Variants in EVC2 observed in about 807,000 individuals in gnomAD.
The protein encoded by EVC2 is EvC ciliary complex subunit 2.
In EVC2, 148 loss-of-function variants were observed where a neutral mutation model predicts 149.3. That is an observed-to-expected ratio of 0.99 (90% CI 0.87 to 1.14). The LOEUF (loss-of-function observed/expected upper bound fraction) is 1.14, where lower values mean the gene tolerates loss of function less well. Among genes scored for constraint, EVC2 ranks in the 50% most tolerant of loss-of-function variants. The pLI is 0.00. For missense variants in EVC2, 1,854 were observed against 1,627.3 expected (o/e 1.14, Z -2.40); for synonymous variants, 776 against 649.9 (o/e 1.19, Z -2.95).
intron 16 of EVC2, among the ~76,000 whole-genome samples, chr4:5,611,129 G>A (rs1002323621): frequency 6.6e-6 from 1 of 152,148 alleles, no homozygotes; most frequent in Non-Finnish European, 1.5e-5. Context: ...TCATGTTATG[G>A]AAGAAGTGAT....
At position 5,706,361 on chromosome 4, in the gene EVC2, G is replaced by GATAC. The variant is rs1279202262; in HGVS notation, c.228+1924_228+1925insGTAT. Among the ~76,000 whole-genome samples, 62 of 73,546 alleles carry GATAC rather than the reference G, an allele frequency of 8.4e-4. 5 individuals are homozygous for GATAC. Among genetic ancestry groups the GATAC allele is most frequent in the African/African-American group, 2.3e-3 (31 of 13,286 alleles). The allele number at this position is 73,546 out of a possible 152,430, so 48.2% of individuals were successfully genotyped here. A position where few individuals can be genotyped will look rare whatever the true frequency, so the allele number is the denominator to read the frequency against. ...AGATACATAGATAGATAGACACATAGATAGATACATAGATAGATACATAGA... is the reference window on the plus strand; with the variant it reads ...AGATACATAGATAGATAGACACATAGATACATAGATACATAGATAGATACATAGA... On this transcript the variant is annotated intron_variant, in intron 1 of 21. Coordinates refer to ENST00000344408, the MANE Select transcript of EVC2 (RefSeq NM_147127.5).
At chr4:5,572,838 GT>G in intron 19 of EVC2, among the ~76,000 whole-genome samples, 1 of 152,166 alleles carries the variant, frequency 6.6e-6, no homozygotes, top group East Asian at 1.9e-4. Flanking sequence ...AGATGGCTCA[GT>G]TACGCAGAGA....
At position 5,677,491 on chromosome 4, in the gene EVC2, A is replaced by C. The variant is rs1720068702; in HGVS notation, c.870+3769T>G. ...AGCTCCACGGCCAGGACTTGCATCC[A>C]CAGGTCTGCATCCCAGGGGGCAACT... On this transcript the variant is annotated intron_variant, in intron 7 of 21. Transcript: ENST00000344408. This position sits in a 1 kb window ranked among gnomAD's most constrained non-coding sequence, Gnocchi z 4.3. Among the ~76,000 whole-genome samples the C allele has an allele frequency of 6.6e-6, 1 of 152,184 alleles. No homozygotes were observed. Among genetic ancestry groups the C allele is most frequent in the African/African-American group, 2.4e-5 (1 of 41,442 alleles).
intron 21 of EVC2, among the ~76,000 whole-genome samples, chr4:5,553,589 T>C (rs547653543): frequency 8.5e-5 from 13 of 152,174 alleles, no homozygotes; most frequent in Non-Finnish European, 1.8e-4. Flanking sequence ...GCAGTGACTA[T>C]AAGCAGATAC....
intron 16 of EVC2, among the ~76,000 whole-genome samples, chr4:5,599,228 C>T (rs58436711): frequency 0.019 from 2,798 of 150,474 alleles, 70 homozygotes; most frequent in African/African-American, 0.06. Context: ...TGGGTATATA[C>T]CCAAAGGTCT....
Position 5,708,401 on chromosome 4 carries a change from C to T in EVC2, c.113G>A (p.Arg38His). 2.0e-6 allele frequency: 3 copies of T among 1,498,836 alleles called. No homozygotes were observed. The highest frequency in any genetic ancestry group is 2.7e-5 in the East Asian group (1 of 36,600). The allele number at this position is 1,498,836 out of a possible 1,614,324, so 92.8% of individuals were successfully genotyped here. ...TGGCTGCGCGCCGAGGGGGCGCCAGCGGGGACGTGAGCTGGCGCCGAGACA... is the reference window on the plus strand; with the variant it reads ...TGGCTGCGCGCCGAGGGGGCGCCAGTGGGGACGTGAGCTGGCGCCGAGACA... ...RGCLGASSRP[R>H]WRPLGAQPPR... Residue 38 changes from arginine (R) to histidine (H), a missense_variant, in exon 1 of 22, where the codon CGC (arginine) becomes CAC (histidine). Physicochemically the swap from Arg to His is conservative, Grantham distance 29 (BLOSUM62 0). Coordinates refer to ENST00000344408, the MANE Select transcript of EVC2 (RefSeq NM_147127.5).
chr4:5,694,253 C>T (rs935389705), intron 3 of EVC2, 82 bp downstream of exon 3: 53 of 1,464,926 alleles, frequency 3.6e-5, no homozygotes, highest in Admixed American at 3.5e-5. Context: ...CAACAAAAAC[C>T]CGTGCCATTT....
At chr4:5,683,785 C>T (rs1720506074) in intron 6 of EVC2, among the ~76,000 whole-genome samples, 1 of 105,262 alleles carries the variant, frequency 9.5e-6, no homozygotes, top group South Asian at 2.7e-4. Flanking sequence ...GGAACACACA[C>T]AGCTGGCCAG....
chr4:5,550,241 C>A (rs761279537), intron 21 of EVC2, among the ~76,000 whole-genome samples: 4 of 152,084 alleles, frequency 2.6e-5, no homozygotes, highest in Non-Finnish European at 4.4e-5. Context: ...CAGAAGAAGA[C>A]AGGAAAATGT....
chr4:5,639,287 T>C (rs1361458233), intron 10 of EVC2, among the ~76,000 whole-genome samples: 1 of 152,212 alleles, frequency 6.6e-6, no homozygotes, highest in African/African-American at 2.4e-5. Context: ...GAAGAAGATA[T>C]GCAGACTCAG....
At chr4:5,615,924 T>G (rs564053199) in intron 15 of EVC2, among the ~76,000 whole-genome samples, 1 of 152,206 alleles carries the variant, frequency 6.6e-6, no homozygotes, top group East Asian at 1.9e-4. Flanking sequence ...CTTGCAATGC[T>G]TCCATGACAG....
rs1321090122 is a variant in EVC2 at position 5,679,919 on chromosome 4, T to C, written c.870+1341A>G. On this transcript the variant is annotated intron_variant, in intron 7 of 21. Transcript: ENST00000344408. This position sits in a 1 kb window ranked among gnomAD's most constrained non-coding sequence, Gnocchi z 5.1. The stretch of plus-strand genomic sequence containing the variant: ...TATACAAAAATAGTTCCTTTCTTTA[T>C]ATCCTTACTCTGTAAGCTTTCTATA... Among the ~76,000 whole-genome samples the C allele has an allele frequency of 6.6e-6, 1 of 152,254 alleles. No homozygotes were observed. The highest frequency in any genetic ancestry group is 1.5e-5 in the Non-Finnish European group (1 of 68,052).
At chr4:5,573,056 G>C (rs1011028874) in intron 19 of EVC2, among the ~76,000 whole-genome samples, 5 of 152,140 alleles carry the variant, frequency 3.3e-5, no homozygotes, top group African/African-American at 4.8e-5. Context: ...AGGATTAAAT[G>C]AATAACAGGC....
At chr4:5,697,740 C>T (rs1721572457) in intron 1 of EVC2, 93 bp from the exon 2 acceptor site, 2 of 1,076,658 alleles carry the variant, frequency 1.9e-6, no homozygotes, top group East Asian at 5.2e-5. Context: ...ATGGAGAGGA[C>T]ATGCACTTTT....
intron 9 of EVC2, among the ~76,000 whole-genome samples, chr4:5,654,688 C>T (rs1303905435): frequency 6.6e-6 from 1 of 152,164 alleles, no homozygotes; most frequent in Non-Finnish European, 1.5e-5. Flanking sequence ...TTGGCCTGGG[C>T]GTGCATGGTT....
intron 9 of EVC2, among the ~76,000 whole-genome samples, chr4:5,650,671 A>AGAGAGCGC (rs35334619): frequency 1.2e-4 from 12 of 102,450 alleles, no homozygotes; most frequent in Admixed American, 9.8e-4. Context: ...AGAGAGAGAG[A>AGAGAGCGC]GCCATTTAAT....
chr4:5,648,540 G>A (rs1717892847), intron 9 of EVC2, among the ~76,000 whole-genome samples: 1 of 152,180 alleles, frequency 6.6e-6, no homozygotes, highest in Non-Finnish European at 1.5e-5. Flanking sequence ...AGCACAATGA[G>A]GACCACCCTC....
intron 9 of EVC2, among the ~76,000 whole-genome samples, chr4:5,648,809 C>T (rs1316413700): frequency 6.6e-6 from 1 of 152,104 alleles, no homozygotes; most frequent in Non-Finnish European, 1.5e-5. Flanking sequence ...ATGATAAAAA[C>T]TGTCAGGGTG....
chr4:5,617,784 C>T (rs561349202), intron 15 of EVC2, among the ~76,000 whole-genome samples: 28 of 152,214 alleles, frequency 1.8e-4, no homozygotes, highest in African/African-American at 5.3e-4. Flanking sequence ...GCCCCAGAAG[C>T]GGAGCCTGAG....
Sources: gnomAD v4.1 joint callset for allele counts (sites outside exome capture counted in the v4.1 genomes callset) on GRCh38, gnomAD v4.1.1 for gene constraint, Gnocchi (gnomAD v3.1) non-coding constraint, MANE v1.5 for transcripts, NCBI Gene and HGNC (gene_info 2026-07-23, HGNC 2026-07-21) for gene names.